The following NMNAT2 variants were observed in gnomAD, a reference collection of about 807,000 sequenced individuals.
NMNAT2 encodes nicotinamide/nicotinic acid mononucleotide adenylyltransferase 2.
A neutral mutation model predicts 41.6 loss-of-function variants in NMNAT2; 11 were observed. The ratio of observed to expected loss-of-function variants is 0.26; its 90% confidence interval spans 0.17 to 0.44. The LOEUF is 0.44. Among genes scored for constraint, NMNAT2 ranks in the 20% least tolerant of loss-of-function variants. NMNAT2 has a pLI of 1.00. For missense variants in NMNAT2, 288 were observed against 407.7 expected (o/e 0.71, Z 2.53); for synonymous variants, 148 against 151.2 (o/e 0.98, Z 0.16).
At chr1:183,407,919 A>G (rs2101930375) in intron 1 of NMNAT2, among the ~76,000 whole-genome samples, 2 of 152,350 alleles carry the variant, frequency 1.3e-5, no homozygotes, top group Admixed American at 1.3e-4. Context: ...AATGTCCAAC[A>G]TTAGCCAGAG....
chr1:183,341,898 A>AAG (rs1259647159), intron 1 of NMNAT2, among the ~76,000 whole-genome samples: 1 of 151,998 alleles, frequency 6.6e-6, no homozygotes, highest in Admixed American at 6.6e-5. Context: ...TCTGTGCTCC[A>AAG]TTCTTTCCGA....
At chr1:183,297,182 T>A (rs1237052426) in intron 1 of NMNAT2, among the ~76,000 whole-genome samples, 2 of 151,270 alleles carry the variant, frequency 1.3e-5, no homozygotes, top group South Asian at 2.1e-4. Flanking sequence ...ACCTCACTAA[T>A]CTCACTGTGT....
chr1:183,313,981 T>TGG (rs1212929476), intron 1 of NMNAT2, among the ~76,000 whole-genome samples: 1 of 151,348 alleles, frequency 6.6e-6, no homozygotes, highest in Non-Finnish European at 1.5e-5. Context: ...GAGAACAGGG[T>TGG]GGCTTTTGCT....
intron 1 of NMNAT2, among the ~76,000 whole-genome samples, chr1:183,338,724 G>T (rs2788052): frequency 0.024 from 3,686 of 152,260 alleles, 139 homozygotes; most frequent in African/African-American, 0.084. Flanking sequence ...ACCTCAGAGG[G>T]CAATTTATTA....
At chr1:183,411,779 T>A (rs1649124641) in intron 1 of NMNAT2, among the ~76,000 whole-genome samples, 1 of 152,100 alleles carries the variant, frequency 6.6e-6, no homozygotes, top group African/African-American at 2.4e-5. Flanking sequence ...TTAAAGGTGA[T>A]AAGTACGAAG....
At chr1:183,387,028 A>T (rs901423148) in intron 1 of NMNAT2, among the ~76,000 whole-genome samples, 25 of 152,078 alleles carry the variant, frequency 1.6e-4, no homozygotes, top group Non-Finnish European at 2.8e-4. Flanking sequence ...AATGCCTGTG[A>T]TTAGTTTGAA....
At chr1:183,369,997 G>A (rs867286747) in intron 1 of NMNAT2, among the ~76,000 whole-genome samples, 3 of 151,958 alleles carry the variant, frequency 2.0e-5, no homozygotes, top group Non-Finnish European at 4.4e-5. Flanking sequence ...TCTGGAGCCC[G>A]CTAGGTCATG....
At chr1:183,286,552 C>T (rs1661402994) in intron 5 of NMNAT2, 110 bp downstream of exon 5, 6 of 865,360 alleles carry the variant, frequency 6.9e-6, no homozygotes, top group Non-Finnish European at 8.7e-6. Flanking sequence ...GTCCTCTTTC[C>T]CCTCTCAGAC....
At chr1:183,294,588 C>T (rs541640065) in intron 1 of NMNAT2, among the ~76,000 whole-genome samples, 14 of 152,110 alleles carry the variant, frequency 9.2e-5, no homozygotes, top group Non-Finnish European at 1.9e-4. Context: ...GTCAGGAGTT[C>T]AAGACCAGCC....
At chr1:183,367,356 G>C (rs780444368) in intron 1 of NMNAT2, among the ~76,000 whole-genome samples, 3 of 152,190 alleles carry the variant, frequency 2.0e-5, no homozygotes, top group Non-Finnish European at 2.9e-5. Context: ...TACTTGGGAG[G>C]CTGAGGCAGG....
chr1:183,291,420 C>T (rs866202337), intron 3 of NMNAT2, among the ~76,000 whole-genome samples: 1 of 152,148 alleles, frequency 6.6e-6, no homozygotes, highest in South Asian at 2.1e-4. Context: ...GCACCTGTGC[C>T]GGAAACAAAC....
intron 1 of NMNAT2, among the ~76,000 whole-genome samples, chr1:183,339,987 G>T (rs1188973531): frequency 1.3e-5 from 2 of 152,210 alleles, no homozygotes; most frequent in Non-Finnish European, 2.9e-5. Flanking sequence ...GTCGGTTGCC[G>T]TAGGCCCTTG....
At chr1:183,362,152 T>C (rs746218688) in intron 1 of NMNAT2, among the ~76,000 whole-genome samples, 10 of 152,126 alleles carry the variant, frequency 6.6e-5, no homozygotes, top group Non-Finnish European at 1.5e-4. Context: ...TTGGCCAGGC[T>C]GGTCTCTAAC....
intron 1 of NMNAT2, among the ~76,000 whole-genome samples, chr1:183,393,559 C>T (rs908918172): frequency 6.6e-6 from 1 of 151,966 alleles, no homozygotes; most frequent in Admixed American, 6.6e-5. Context: ...CCTAATTTGG[C>T]TATTTATTTA....
At chr1:183,372,091 CT>C (rs1191873001) in intron 1 of NMNAT2, among the ~76,000 whole-genome samples, 1 of 152,060 alleles carries the variant, frequency 6.6e-6, no homozygotes, top group East Asian at 1.9e-4. Context: ...ATATCTTCTC[CT>C]CTTTGCAGGG....
At chr1:183,318,264 TG>T in intron 1 of NMNAT2, among the ~76,000 whole-genome samples, 1 of 152,332 alleles carries the variant, frequency 6.6e-6, no homozygotes, top group Admixed American at 6.5e-5. Context: ...TTTGTGTCAC[TG>T]GGACTTCTGT....
intron 1 of NMNAT2, among the ~76,000 whole-genome samples, chr1:183,324,069 C>T (rs1235176894): frequency 6.6e-6 from 1 of 152,146 alleles, no homozygotes; most frequent in Non-Finnish European, 1.5e-5. Flanking sequence ...ATGACTCAAA[C>T]TGGAGACCTG....
At chr1:183,297,709 A>G (rs951324166) in intron 1 of NMNAT2, among the ~76,000 whole-genome samples, 12 of 152,160 alleles carry the variant, frequency 7.9e-5, no homozygotes, top group African/African-American at 2.9e-4. Flanking sequence ...AATTTATTTT[A>G]TAAAGCCAGT....
intron 4 of NMNAT2, among the ~76,000 whole-genome samples, 177 bp downstream of exon 4, chr1:183,289,951 G>T (rs1571576533): frequency 1.3e-5 from 2 of 152,230 alleles, no homozygotes; most frequent in East Asian, 3.9e-4. Context: ...CTCATTCATT[G>T]TTCTTCATGC....
Sources: allele counts gnomAD v4.1 joint callset (sites outside exome capture counted in the v4.1 genomes callset), GRCh38; gene constraint gnomAD v4.1.1; transcripts MANE v1.5; gene names NCBI Gene and HGNC (gene_info 2026-07-23, HGNC 2026-07-21).